Variants in TLE1 observed in about 807,000 individuals in gnomAD.
TLE1 encodes the protein TLE family member 1, transcriptional corepressor.
In TLE1, 21 loss-of-function variants were observed where a neutral mutation model predicts 89.8. The observed-to-expected ratio is 0.23, with a 90% CI of 0.17 to 0.34. TLE1 has a LOEUF of 0.34. Ranked by LOEUF, TLE1 falls within the 10% of genes least tolerant of loss-of-function variation. The pLI is 1.00. For missense variants in TLE1, 795 were observed against 1,031.2 expected (o/e 0.77, Z 3.14); for synonymous variants, 447 against 407.6 (o/e 1.10, Z -1.16).
chr9:81,678,515 A>G (rs1399426971), intron 4 of TLE1, among the ~76,000 whole-genome samples: 1 of 152,126 alleles, frequency 6.6e-6, no homozygotes, highest in African/African-American at 2.4e-5. Context: ...CAACTTAGTA[A>G]TTATTAAAAA....
chr9:81,652,900 TG>T lies in TLE1; in HGVS notation c.298-613del, dbSNP rs1361535917. Among the ~76,000 whole-genome samples the T allele has an allele frequency of 3.3e-5, 5 of 152,336 alleles. No homozygotes were observed. In the East Asian group the frequency reaches 7.7e-4, roughly 24 times the overall value. On this transcript the variant is annotated intron_variant, in intron 5 of 19. Coordinates refer to ENST00000376499, the MANE Select transcript of TLE1 (RefSeq NM_005077.5). ...CCCACCAGTCATTTTCGGAAACTCC[TG>T]GAATTCCTCTCATTCTTTTATAGCC...
intron 11 of TLE1, 66 bp from the exon 12 acceptor site, chr9:81,613,587 C>T: frequency 6.4e-7 from 1 of 1,572,234 alleles, no homozygotes; most frequent in Admixed American, 1.7e-5. Context: ...CAATTTATCA[C>T]AACAGCAGCT....
rs760457380 is a variant in TLE1, at chr9:81,587,640, C to T, written c.1977+41G>A. On this transcript the variant is annotated intron_variant, in intron 17 of 19. Coordinates refer to ENST00000376499, the MANE Select transcript of TLE1 (RefSeq NM_005077.5). Reference sequence around the variant, plus strand: ...TGTGAGGAGGAAGACACACCCCAGCCACCTCCCAGACTCCAGGGCAGGCGG... The same window carrying T: ...TGTGAGGAGGAAGACACACCCCAGCTACCTCCCAGACTCCAGGGCAGGCGG... The T allele has an allele frequency of 1.9e-6, 3 of 1,571,406 alleles. No individual in the cohort carries two copies. The South Asian group carries it at 3.5e-5, about 19-fold the overall frequency.
intron 9 of TLE1, among the ~76,000 whole-genome samples, chr9:81,618,536 C>A (rs111605329): frequency 1.3e-5 from 2 of 152,232 alleles, no homozygotes; most frequent in African/African-American, 4.8e-5. Context: ...AAATTACAAC[C>A]AATGAGGAAG....
intron 14 of TLE1, among the ~76,000 whole-genome samples, chr9:81,597,584 G>A (rs993419251): frequency 1.1e-4 from 16 of 152,244 alleles, no homozygotes; most frequent in African/African-American, 2.9e-4. Context: ...GCCATACAGC[G>A]AAGCCCACCT....
intron 14 of TLE1, among the ~76,000 whole-genome samples, chr9:81,602,951 G>A (rs1034187826): frequency 7.2e-5 from 11 of 152,184 alleles, no homozygotes; most frequent in Non-Finnish European, 1.6e-4. Flanking sequence ...GCTGGAATGG[G>A]TATGAGAGAG....
chr9:81,615,832 C>T, intron 11 of TLE1, 150 bp downstream of exon 11: 1 of 1,020,846 alleles, frequency 9.8e-7, no homozygotes. Flanking sequence ...TGAATGGTGA[C>T]AAAGAACAGA....
chr9:81,644,557 A>C (rs144811697), intron 6 of TLE1, among the ~76,000 whole-genome samples: 18 of 152,328 alleles, frequency 1.2e-4, no homozygotes, highest in African/African-American at 4.3e-4. Context: ...GCCAGAGGTT[A>C]GGGGAGGAGA....
intron 6 of TLE1, among the ~76,000 whole-genome samples, chr9:81,641,010 C>A (rs1828040865): frequency 6.6e-6 from 1 of 152,186 alleles, no homozygotes; most frequent in African/African-American, 2.4e-5. Flanking sequence ...TAAAACCATG[C>A]CCCTAAGTGG....
At chr9:81,643,092 T>C (rs11794460) in intron 6 of TLE1, among the ~76,000 whole-genome samples, 37,250 of 151,844 alleles carry the variant, frequency 0.25, 4,928 homozygotes, top group Middle Eastern at 0.33. Flanking sequence ...TGAGGAGCAA[T>C]TGGTCAAAGG....
chr9:81,678,671 T>C (rs1833207334), intron 4 of TLE1, among the ~76,000 whole-genome samples: 1 of 151,586 alleles, frequency 6.6e-6, no homozygotes, highest in Non-Finnish European at 1.5e-5. Flanking sequence ...AAAAAATAGC[T>C]GAGTGTGGTG....
chr9:81,588,422 G>A (rs148320340), intron 16 of TLE1, among the ~76,000 whole-genome samples: 2 of 152,198 alleles, frequency 1.3e-5, no homozygotes, highest in East Asian at 3.9e-4. Context: ...TAGGAAATCT[G>A]GACTCCCAGA....
At chr9:81,673,133 C>T (rs958432297) in intron 4 of TLE1, among the ~76,000 whole-genome samples, 3 of 152,032 alleles carry the variant, frequency 2.0e-5, no homozygotes, top group Non-Finnish European at 4.4e-5. Context: ...ATCAGCTGGG[C>T]ATGGTGGTGC....
intron 1 of TLE1, among the ~76,000 whole-genome samples, chr9:81,688,004 C>A (rs1016801167): frequency 2.0e-5 from 3 of 151,974 alleles, no homozygotes; most frequent in African/African-American, 7.2e-5. Flanking sequence ...TCGGTATAGA[C>A]GTCAAGTAGG....
At chr9:81,649,776 T>C (rs551275008) in intron 6 of TLE1, among the ~76,000 whole-genome samples, 1 of 152,166 alleles carries the variant, frequency 6.6e-6, no homozygotes, top group Non-Finnish European at 1.5e-5. Flanking sequence ...GGGAGACAGG[T>C]TGACACACTG....
At chr9:81,614,951 T>C (rs991397238) in intron 11 of TLE1, among the ~76,000 whole-genome samples, 1 of 151,462 alleles carries the variant, frequency 6.6e-6, no homozygotes, top group Non-Finnish European at 1.5e-5. Context: ...TCCCAGCACT[T>C]TGGGAGGCCA....
rs190369560 is a variant in TLE1 at position 81,623,926 on chromosome 9, T to C, written c.595-3369A>G. Among the ~76,000 whole-genome samples the C allele has an allele frequency of 1.6e-4, 25 of 151,622 alleles. No homozygotes were observed. In the East Asian group the frequency reaches 4.6e-3, roughly 28 times the overall value. ...GACATTTCGTTCCTCTTCCTCCTCC[T>C]GCTCCTTTAATCTGGAGGACTAGGA... On this transcript the variant is annotated intron_variant, in intron 8 of 19. Transcript: ENST00000376499.
At chr9:81,629,288 C>T (rs184597386) in intron 8 of TLE1, among the ~76,000 whole-genome samples, 2 of 147,336 alleles carry the variant, frequency 1.4e-5, no homozygotes, top group Admixed American at 1.5e-4. Flanking sequence ...AAATTTAATG[C>T]AATTTATCCT....
At chr9:81,600,177 C>A in intron 14 of TLE1, 2 of 692,516 alleles carry the variant, frequency 2.9e-6, no homozygotes, top group South Asian at 1.6e-5. Flanking sequence ...CAAAAAGAGG[C>A]TTAATATATT....
Sources: gnomAD v4.1 joint callset for allele counts (sites outside exome capture counted in the v4.1 genomes callset) on GRCh38, gnomAD v4.1.1 for gene constraint, MANE v1.5 for transcripts, NCBI Gene and HGNC (gene_info 2026-07-23, HGNC 2026-07-21) for gene names.